The following CNBD1 variants were observed in gnomAD, a reference collection of about 807,000 sequenced individuals.
CNBD1 encodes cyclic nucleotide-binding domain-containing protein 1.
A neutral mutation model predicts 54.4 loss-of-function variants in CNBD1; 71 were observed. That is an observed-to-expected ratio of 1.30 (90% CI 1.08 to 1.59). The LOEUF is 1.59. Ranked by LOEUF, CNBD1 falls within the 40% of genes most tolerant of loss-of-function variation. The pLI, the probability that CNBD1 is intolerant of heterozygous loss-of-function variation, is 0.00. For synonymous variants in CNBD1, 182 were observed against 170.7 expected (o/e 1.07, Z -0.51); for missense variants, 659 against 518.0 (o/e 1.27, Z -2.64).
chr8:86,963,515 A>G (rs1419775637), intron 4 of CNBD1, among the ~76,000 whole-genome samples: 1 of 152,202 alleles, frequency 6.6e-6, no homozygotes, highest in African/African-American at 2.4e-5. Flanking sequence ...AATTGCAGCT[A>G]GCAACTGGCA....
intron 3 of CNBD1, among the ~76,000 whole-genome samples, chr8:86,937,383 G>A (rs118095567): frequency 0.071 from 10,821 of 152,112 alleles, 535 homozygotes; most frequent in East Asian, 0.21. Context: ...TTCTGACTCT[G>A]GCCCCTCCAA....
chr8:87,170,513 G>A, intron 4 of CNBD1, among the ~76,000 whole-genome samples: 1 of 138,726 alleles, frequency 7.2e-6, no homozygotes, highest in Non-Finnish European at 1.7e-5. Flanking sequence ...TGGAGGAAAG[G>A]CTTGCAGTTT....
chr8:87,336,647 C>T (rs1194616308), intron 8 of CNBD1, among the ~76,000 whole-genome samples: 2 of 152,194 alleles, frequency 1.3e-5, no homozygotes, highest in African/African-American at 4.8e-5. Flanking sequence ...GAACATGCTC[C>T]TTTACCTCAG....
intron 2 of CNBD1, among the ~76,000 whole-genome samples, chr8:87,412,268 AT>A (rs1386962975): frequency 1.3e-5 from 2 of 152,110 alleles, no homozygotes; most frequent in Non-Finnish European, 2.9e-5. Context: ...GTGTTTTGGT[AT>A]GTGTTTTCCT....
At chr8:87,156,998 A>G (rs57796475) in intron 4 of CNBD1, among the ~76,000 whole-genome samples, 3,509 of 152,252 alleles carry the variant, frequency 0.023, 127 homozygotes, top group African/African-American at 0.076. Flanking sequence ...CTTCTAAGGC[A>G]CAGAGCTAAA....
chr8:86,956,655 C>T (rs372473132), intron 4 of CNBD1, among the ~76,000 whole-genome samples: 1 of 152,098 alleles, frequency 6.6e-6, no homozygotes, highest in African/African-American at 2.4e-5. Context: ...TATAGGAATG[C>T]TTGTGATTTT....
At chr8:87,400,101 G>A (rs1194843572) in intron 2 of CNBD1, among the ~76,000 whole-genome samples, 1 of 151,866 alleles carries the variant, frequency 6.6e-6, no homozygotes. Flanking sequence ...GATCCTTCTT[G>A]AGCCTCACCT....
chr8:87,090,374 G>T (rs1227181878), intron 4 of CNBD1, among the ~76,000 whole-genome samples: 2 of 152,118 alleles, frequency 1.3e-5, no homozygotes, highest in Non-Finnish European at 2.9e-5. Flanking sequence ...TGACTTAATA[G>T]TACAGTGTTC....
intron 4 of CNBD1, among the ~76,000 whole-genome samples, chr8:86,940,972 C>T (rs1223978480): frequency 1.3e-5 from 2 of 152,270 alleles, no homozygotes; most frequent in African/African-American, 4.8e-5. Flanking sequence ...GTAGACTACA[C>T]GATCCAGGTT....
At chr8:87,396,318 C>A (rs1348422754) in intron 2 of CNBD1, among the ~76,000 whole-genome samples, 1 of 151,870 alleles carries the variant, frequency 6.6e-6, no homozygotes, top group African/African-American at 2.4e-5. Context: ...TTCCCAAACA[C>A]CTTATCATTT....
At chr8:87,085,506 A>T (rs914476222) in intron 4 of CNBD1, among the ~76,000 whole-genome samples, 1 of 152,138 alleles carries the variant, frequency 6.6e-6, no homozygotes, top group African/African-American at 2.4e-5. Context: ...GAGCTAATAT[A>T]GTCAGAAGTT....
In CNBD1 at chr8:87,109,625, G is replaced by A. The variant is rs867070291; in HGVS notation, c.432-96368G>A. Among the ~76,000 whole-genome samples, 16 of 147,202 alleles carry A rather than the reference G, an allele frequency of 1.1e-4. No individual in the cohort carries two copies. The South Asian group carries it at 3.2e-3, about 29-fold the overall frequency. On this transcript the variant is annotated intron_variant, in intron 4 of 10. Transcript: ENST00000518476. ...TTGATCTTGGCTCACTGCAAGCTCCGCCTCCTGGGTTCACGCCATTCTCCT... is the reference window on the plus strand; with the variant it reads ...TTGATCTTGGCTCACTGCAAGCTCCACCTCCTGGGTTCACGCCATTCTCCT...
rs570001447 is a variant in CNBD1 at position 87,220,820 on chromosome 8, T to C, written c.577+14682T>C. 7.3e-5 allele frequency among the ~76,000 whole-genome samples: 11 copies of C among 151,638 alleles called. No homozygotes were observed. The East Asian group carries it at 2.1e-3, about 29-fold the overall frequency. ...GGATTATTTATTTATGACAGATTTC[T>C]AAAGTTAAAAGTAATGAATCAAAAT... On this transcript the variant is annotated intron_variant, in intron 5 of 10. Transcript: ENST00000518476.
chr8:87,069,563 G>T (rs192808156), intron 4 of CNBD1, among the ~76,000 whole-genome samples: 1 of 152,006 alleles, frequency 6.6e-6, no homozygotes, highest in African/African-American at 2.4e-5. Context: ...CTAGGTTTGC[G>T]TAAGGATATT....
chr8:86,985,025 G>A (rs1808575398), intron 4 of CNBD1, among the ~76,000 whole-genome samples: 1 of 152,136 alleles, frequency 6.6e-6, no homozygotes, highest in Non-Finnish European at 1.5e-5. Flanking sequence ...ACATGTTGTG[G>A]GAGGGATCCA....
intron 4 of CNBD1, among the ~76,000 whole-genome samples, chr8:87,039,840 G>T (rs1810027201): frequency 6.6e-6 from 1 of 152,130 alleles, no homozygotes; most frequent in Non-Finnish European, 1.5e-5. Flanking sequence ...GGTTGGAGAT[G>T]ACTGGTTGGG....
intron 8 of CNBD1, among the ~76,000 whole-genome samples, chr8:87,348,576 C>T (rs1229690692): frequency 6.6e-6 from 1 of 152,144 alleles, no homozygotes; most frequent in Non-Finnish European, 1.5e-5. Context: ...TAATGGATGT[C>T]GTGCTCAAAG....
chr8:87,217,778 C>T (rs181067892), intron 5 of CNBD1, among the ~76,000 whole-genome samples: 2 of 151,952 alleles, frequency 1.3e-5, no homozygotes, highest in African/African-American at 4.8e-5. Context: ...CTGGCTTATA[C>T]TAGAAATCTT....
chr8:87,331,467 G>A (rs1276441312), intron 8 of CNBD1, among the ~76,000 whole-genome samples: 2 of 152,166 alleles, frequency 1.3e-5, no homozygotes, highest in Admixed American at 6.5e-5. Context: ...CATCATTGAT[G>A]GGCATTTGGG....
Sources: gnomAD v4.1 joint callset for allele counts (sites outside exome capture counted in the v4.1 genomes callset) on GRCh38, gnomAD v4.1.1 for gene constraint, MANE v1.5 for transcripts, NCBI Gene and HGNC (gene_info 2026-07-23, HGNC 2026-07-21) for gene names.